ARID1B: variants seen among roughly 807,000 people sequenced by gnomAD.
ARID1B encodes AT-rich interactive domain-containing protein 1B.
ARID1B carries 30 observed loss-of-function variants against 212.3 expected under a neutral mutation model. That is an observed-to-expected ratio of 0.14 (90% CI 0.11 to 0.19). The LOEUF (loss-of-function observed/expected upper bound fraction) is 0.19. Ranked by LOEUF, ARID1B falls within the 10% of genes least tolerant of loss-of-function variation. ARID1B has a pLI of 1.00. For missense variants in ARID1B, 2,891 were observed against 3,204.0 expected, an observed-to-expected ratio of 0.90 and a Z score of 2.36; for synonymous variants, 1,402 against 1,301.7, an observed-to-expected ratio of 1.08 and a Z score of -1.66.
chr6:157,102,050 A>G (rs1786080568), intron 5 of ARID1B, among the ~76,000 whole-genome samples: 1 of 152,214 alleles, frequency 6.6e-6, no homozygotes, highest in Non-Finnish European at 1.5e-5. Flanking sequence ...ATAATGCAGT[A>G]TTATTTGAAA....
At chr6:157,204,113 T>A in intron 19 of ARID1B, 117 bp downstream of exon 19, 1 of 1,316,406 alleles carries the variant, frequency 7.6e-7, no homozygotes, top group Non-Finnish European at 1.1e-6. Flanking sequence ...ACACTGTTAA[T>A]CACTGCAGTT....
chr6:157,113,251 A>G lies in ARID1B; in HGVS notation c.2581+2690A>G, dbSNP rs536975791. 3.3e-5 allele frequency among the ~76,000 whole-genome samples: 5 copies of G among 152,296 alleles called. No homozygotes were observed. In the South Asian group the frequency reaches 1.0e-3, roughly 32 times the overall value. On this transcript the variant is annotated intron_variant, in intron 6 of 19. Transcript: ENST00000636930. ...CATTTCTTTCAAATAGTAAATATAA[A>G]TTATATAAGTTGCTAAATGTGAATT...
intron 4 of ARID1B, among the ~76,000 whole-genome samples, chr6:157,026,880 T>C (rs2128487311): frequency 6.6e-6 from 1 of 152,308 alleles, no homozygotes; most frequent in East Asian, 1.9e-4. Flanking sequence ...TTGTGACAGT[T>C]ACCTGGAAAA....
chr6:156,917,343 T>C (rs2128235521), intron 3 of ARID1B, among the ~76,000 whole-genome samples: 1 of 152,308 alleles, frequency 6.6e-6, no homozygotes, highest in Middle Eastern at 3.4e-3. Flanking sequence ...TATGAGCCCC[T>C]TTGGGCTTGG....
Position 157,174,051 on chromosome 6 carries a change from A to G in ARID1B, c.3279A>G (p.Lys1093=). The G allele has an allele frequency of 6.2e-7, 1 of 1,614,046 alleles. No homozygotes were observed. Among genetic ancestry groups the G allele is most frequent in the Non-Finnish European group, 8.5e-7 (1 of 1,180,000 alleles). ...LADMMSPGES[K]LPLPLKADGK... is the part of the protein sequence containing the mutation. ...ATATGATGTCTCCTGGTGAATCCAA[A>G]CTGCCCCTGCCTCTCAAAGCAGACG... is the stretch of plus-strand genomic sequence containing the variant. Residue 1093 remains lysine, a synonymous_variant, in exon 10 of 20, where the codon AAA becomes AAG. Coordinates refer to ENST00000636930, the MANE Select transcript of ARID1B (RefSeq NM_001374828.1).
rs368880015 is a variant in ARID1B at position 157,174,100 on chromosome 6, C to A, written c.3328C>A (p.Pro1110Thr). Residue 1110 changes from proline (P) to threonine (T), a missense_variant, in exon 10 of 20, where the codon CCC becomes ACC. By Grantham distance (38) the Pro-to-Thr change is conservative. Coordinates refer to ENST00000636930, the MANE Select transcript of ARID1B (RefSeq NM_001374828.1). ...ADGKEEGTPQ[P>T]ESKSKDSYSS... ...CGGCAAAGAAGAAGGCACTCCACAGCCCGAGAGCAAGTCAAAGGTACTTCC... is the reference window on the plus strand; with the variant it reads ...CGGCAAAGAAGAAGGCACTCCACAGACCGAGAGCAAGTCAAAGGTACTTCC... 15 of 1,614,132 alleles carry A rather than the reference C, an allele frequency of 9.3e-6. No homozygotes were observed. The highest frequency in any genetic ancestry group is 1.3e-5 in the Non-Finnish European group (15 of 1,179,970).
chr6:156,812,619 C>T (rs1311077826), intron 1 of ARID1B, among the ~76,000 whole-genome samples: 1 of 152,054 alleles, frequency 6.6e-6, no homozygotes, highest in Non-Finnish European at 1.5e-5. Context: ...GTTGAATGAA[C>T]AAATAAATGA....
Position 157,190,241 on chromosome 6 carries a change from G to A in ARID1B, c.4231+31G>A. The A allele has an allele frequency of 6.3e-7, 1 of 1,583,346 alleles. No homozygotes were observed. The highest frequency in any genetic ancestry group is 8.6e-7 in the Non-Finnish European group (1 of 1,169,138). On this transcript the variant is annotated intron_variant, in intron 15 of 19. Coordinates refer to ENST00000636930, the MANE Select transcript of ARID1B (RefSeq NM_001374828.1). The surrounding 1 kb of genome is among the most constrained non-coding windows in gnomAD (Gnocchi z 4.6). ...TGTAGAGGGGCCTCCACCCGGCCAT[G>A]GACCAGTGGGCATTCTACTCTCTGC...
chr6:156,947,919 G>A (rs1409659366), intron 4 of ARID1B, among the ~76,000 whole-genome samples: 1 of 151,964 alleles, frequency 6.6e-6, no homozygotes, highest in Non-Finnish European at 1.5e-5. Context: ...GATTATTTTT[G>A]AGCTGTAATT....
Position 157,206,217 on chromosome 6 carries a change from T to G in ARID1B, c.5445T>G (p.Ile1815Met), listed in dbSNP as rs753008910. The change falls in exon 20 of 20, where the codon ATT (isoleucine) becomes ATG (methionine). Residue 1815 changes from isoleucine to methionine, a missense_variant. By Grantham distance (10) the Ile-to-Met change is conservative. This residue lies in a region of ARID1B where 332 missense variants were observed against 369.2 expected (regional missense o/e 0.90). Coordinates refer to ENST00000636930, the MANE Select transcript of ARID1B (RefSeq NM_001374828.1). The surrounding 1 kb of genome is among the most constrained non-coding windows in gnomAD (Gnocchi z 6.8). Reference sequence around the variant, plus strand: ...TCGAGTACTTTAGAAAATGCCTGATTGACATTTTTGGAATTCTTATGGAAT... The same window carrying G: ...TCGAGTACTTTAGAAAATGCCTGATGGACATTTTTGGAATTCTTATGGAAT... ...LLVEYFRKCL[I>M]DIFGILMEYE... 1 of 1,614,210 alleles carries G rather than the reference T, an allele frequency of 6.2e-7. No individual in the cohort carries two copies. The highest frequency in any genetic ancestry group is 8.5e-7 in the Non-Finnish European group (1 of 1,180,036).
chr6:157,060,552 A>T (rs557125008), intron 4 of ARID1B, among the ~76,000 whole-genome samples: 143 of 151,710 alleles, frequency 9.4e-4, no homozygotes, highest in African/African-American at 3.3e-3. Flanking sequence ...ACACACAACC[A>T]CAAAGTTTCA....
At chr6:157,095,322 C>A (rs1237388328) in intron 5 of ARID1B, among the ~76,000 whole-genome samples, 1 of 152,180 alleles carries the variant, frequency 6.6e-6, no homozygotes, top group African/African-American at 2.4e-5. Context: ...CTGAGCTAAT[C>A]GGTCTGACAC....
intron 4 of ARID1B, among the ~76,000 whole-genome samples, chr6:156,958,850 G>T (rs1794156229): frequency 1.3e-5 from 2 of 152,180 alleles, no homozygotes; most frequent in African/African-American, 4.8e-5. Context: ...GAATCATACG[G>T]AGTTAGTTTA....
chr6:156,935,683 TCTAGA>T, intron 4 of ARID1B, 107 bp downstream of exon 4: 1 of 1,031,184 alleles, frequency 9.7e-7, no homozygotes, highest in East Asian at 2.6e-5. Flanking sequence ...TTGAGAAGTT[TCTAGA>T]CTTCAGGTTT....
Position 156,848,576 on chromosome 6 carries a change from G to A in ARID1B, c.1986+19155G>A, listed in dbSNP as rs548320002. On this transcript the variant is annotated intron_variant, in intron 2 of 19. Coordinates refer to ENST00000636930, the MANE Select transcript of ARID1B (RefSeq NM_001374828.1). Reference sequence around the variant, plus strand: ...TAGTAATTAGGATAACTCAGGAAAAGGATCTTCCATGTGGACCACCATCCT... The same window carrying A: ...TAGTAATTAGGATAACTCAGGAAAAAGATCTTCCATGTGGACCACCATCCT... 4.6e-5 allele frequency among the ~76,000 whole-genome samples: 7 copies of A among 152,306 alleles called. No individual in the cohort carries two copies. The East Asian group carries it at 1.4e-3, about 29-fold the overall frequency.
chr6:157,038,194 G>C (rs543659556), intron 4 of ARID1B, among the ~76,000 whole-genome samples: 1 of 152,256 alleles, frequency 6.6e-6, no homozygotes, highest in Non-Finnish European at 1.5e-5. Flanking sequence ...TAGAAGTATA[G>C]GGTAGGTGCC....
intron 6 of ARID1B, among the ~76,000 whole-genome samples, chr6:157,123,248 C>G (rs80353692): frequency 3.0e-5 from 3 of 100,268 alleles, no homozygotes; most frequent in African/African-American, 7.5e-5. Context: ...GCCCCCCCCC[C>G]ACACACACAC....
chr6:156,806,440 A>G (rs191245645), intron 1 of ARID1B, among the ~76,000 whole-genome samples: 32 of 152,330 alleles, frequency 2.1e-4, no homozygotes, highest in Non-Finnish European at 3.7e-4. Context: ...ACATTTCACA[A>G]AAATACATTT....
intron 3 of ARID1B, among the ~76,000 whole-genome samples, chr6:156,917,878 G>A (rs1399756885): frequency 6.6e-6 from 1 of 152,148 alleles, no homozygotes; most frequent in Non-Finnish European, 1.5e-5. Context: ...GTAGATGGGT[G>A]TTTAAATGAT....
Sources: allele counts gnomAD v4.1 joint callset (sites outside exome capture counted in the v4.1 genomes callset), GRCh38; gene constraint gnomAD v4.1.1; regional missense constraint gnomAD v4.1.1; non-coding constraint Gnocchi (gnomAD v3.1); transcripts MANE v1.5; gene names NCBI Gene and HGNC (gene_info 2026-07-23, HGNC 2026-07-21).